The following MIER3 variants were observed in gnomAD, a reference collection of about 807,000 sequenced individuals.
MIER3 encodes mesoderm induction early response protein 3.
Under a neutral mutation model 63.2 loss-of-function variants are expected in MIER3, and 9 were observed. The ratio of observed to expected loss-of-function variants is 0.14; its 90% CI spans 0.09 to 0.25. MIER3 has a LOEUF of 0.25. MIER3 is among the 10% of genes least tolerant of loss of function. MIER3 has a pLI of 1.00. For synonymous variants in MIER3, 205 were observed against 224.9 expected, an observed-to-expected ratio of 0.91 and a Z score of 0.79; for missense variants, 512 against 666.2, an observed-to-expected ratio of 0.77 and a Z score of 2.55.
At chr5:56,937,512 C>A in intron 5 of MIER3, 66 bp downstream of exon 5, 1 of 1,417,664 alleles carries the variant, frequency 7.1e-7, no homozygotes, top group Middle Eastern at 1.8e-4. Flanking sequence ...TTACTGAACA[C>A]AATAAAATGT....
intron 7 of MIER3, 68 bp from the exon 8 acceptor site, chr5:56,933,466 C>CT: frequency 1.4e-6 from 2 of 1,380,202 alleles, no homozygotes; most frequent in Non-Finnish European, 1.9e-6. Flanking sequence ...ACAAACAATT[C>CT]TTTGTCTTCC....
At chr5:56,951,919 G>A (rs1043008213) in intron 1 of MIER3, among the ~76,000 whole-genome samples, 175 bp downstream of exon 1, 1 of 149,878 alleles carries the variant, frequency 6.7e-6, no homozygotes, top group Non-Finnish European at 1.5e-5. Flanking sequence ...GCCCGCTCCC[G>A]CCCCCCGGCC....
At position 56,923,002 on chromosome 5, in the gene MIER3, T is replaced by C; in HGVS notation, c.*126A>G. 1 of 696,434 alleles carries C rather than the reference T, an allele frequency of 1.4e-6. No homozygotes were observed. Among genetic ancestry groups the C allele is most frequent in the Non-Finnish European group, 2.4e-6 (1 of 415,958 alleles). 43.1% of individuals were successfully genotyped at this position (696,434 alleles called of 1,614,324 possible). On this transcript the variant is annotated 3_prime_UTR_variant, in exon 13 of 13. Transcript: ENST00000381199. The stretch of plus-strand genomic sequence containing the variant: ...CTTGATAAATCAAGATATAGTTCTA[T>C]ACATACTGACATCACTGATGTCATA...
intron 8 of MIER3, among the ~76,000 whole-genome samples, 196 bp downstream of exon 8, chr5:56,933,051 G>A (rs1554041511): frequency 1.3e-5 from 2 of 152,130 alleles, no homozygotes; most frequent in Non-Finnish European, 2.9e-5. Context: ...TTAAAGACCA[G>A]AAGAAAAGAT....
chr5:56,937,852 TTAA>T (rs1489136303), intron 4 of MIER3, among the ~76,000 whole-genome samples, 154 bp from the exon 5 acceptor site: 6 of 150,346 alleles, frequency 4.0e-5, no homozygotes, highest in African/African-American at 7.3e-5. Context: ...ACATAAATAT[TTAA>T]TATTATATAT....
At chr5:56,942,679 T>A (rs765169566) in intron 3 of MIER3, among the ~76,000 whole-genome samples, 49 of 151,886 alleles carry the variant, frequency 3.2e-4, no homozygotes, top group Non-Finnish European at 6.0e-4. Flanking sequence ...AAAGAAAAGA[T>A]CATAAAATAA....
At position 56,952,086 on chromosome 5, in the gene MIER3, C is replaced by A. The variant is rs1235512425; in HGVS notation, c.9+8G>T. The A allele has an allele frequency of 2.3e-6, 3 of 1,304,078 alleles. No homozygotes were observed. Among genetic ancestry groups the A allele is most frequent in the Non-Finnish European group, 3.0e-6 (3 of 1,008,522 alleles). 80.8% of individuals were successfully genotyped at this position (1,304,078 alleles called of 1,614,324 possible). ...GCCCGGCTGCTCCTGCCCGGTTTCC[C>A]TGCTCACCTCCGCCATATTGGTACC... On this transcript the variant is annotated splice_region_variant and intron_variant, in intron 1 of 12. Transcript: ENST00000381199.
intron 3 of MIER3, among the ~76,000 whole-genome samples, chr5:56,939,854 T>C (rs763356138): frequency 6.6e-6 from 1 of 152,182 alleles, no homozygotes; most frequent in Non-Finnish European, 1.5e-5. Context: ...ACAGCTGTGG[T>C]AGGAATAATA....
chr5:56,940,874 C>A lies in MIER3; in HGVS notation c.181-1857G>T, dbSNP rs546068463. 9.0e-6 allele frequency: 6 copies of A among 665,356 alleles called. No individual in the cohort carries two copies. The South Asian group carries it at 4.1e-4, about 45-fold the overall frequency. 41.2% of individuals were successfully genotyped at this position (665,356 alleles called of 1,614,324 possible). On this transcript the variant is annotated intron_variant, in intron 3 of 12. Coordinates refer to ENST00000381199, the MANE Select transcript of MIER3 (RefSeq NM_001297599.2). ...AGTCCATGCAGCCCATTCCCTTTGG[C>A]TCATATTGGTTCTAATACAAGAGGT...
chr5:56,945,647 T>G (rs1750801508), intron 3 of MIER3, among the ~76,000 whole-genome samples: 4 of 152,318 alleles, frequency 2.6e-5, no homozygotes, highest in South Asian at 4.1e-4. Flanking sequence ...AGTACTTACC[T>G]TATTTTCCAT....
At chr5:56,943,350 TAGA>T (rs72327207) in intron 3 of MIER3, among the ~76,000 whole-genome samples, 3,255 of 144,740 alleles carry the variant, frequency 0.022, 121 homozygotes, top group African/African-American at 0.079. Flanking sequence ...AAAAAAAAGG[TAGA>T]AGAATAAATT....
chr5:56,937,097 C>T (rs1750472602), intron 5 of MIER3, among the ~76,000 whole-genome samples: 2 of 151,896 alleles, frequency 1.3e-5, no homozygotes, highest in African/African-American at 4.8e-5. Context: ...ATTATTGAGA[C>T]AGAATCTCTC....
At chr5:56,940,540 T>A (rs76416112) in intron 3 of MIER3, among the ~76,000 whole-genome samples, 2,203 of 152,380 alleles carry the variant, frequency 0.014, 19 homozygotes, top group Non-Finnish European at 0.024. Context: ...AACAGATTTA[T>A]GCTCAATGAA....
chr5:56,928,689 C>T lies in MIER3; in HGVS notation c.924+78G>A, dbSNP rs1319514229. 15 of 1,006,110 alleles carry T rather than the reference C, an allele frequency of 1.5e-5. No homozygotes were observed. In the South Asian group the frequency reaches 1.8e-4, roughly 12 times the overall value. The allele number at this position is 1,006,110 out of a possible 1,614,324, so 62.3% of individuals were successfully genotyped here. A position where few individuals can be genotyped will look rare whatever the true frequency, so the allele number is the denominator to read the frequency against. On this transcript the variant is annotated intron_variant, in intron 10 of 12. Transcript: ENST00000381199. ...AACATTAGTAAGTTGTTCTTTTTTC[C>T]TACTTAAGTGACTTATAAATTAGTT...
intron 2 of MIER3, 25 bp from the exon 3 acceptor site, chr5:56,947,096 T>G: frequency 6.3e-7 from 1 of 1,589,196 alleles, no homozygotes; most frequent in Non-Finnish European, 8.5e-7. Context: ...ACTGAATCAC[T>G]TTACACATTT....
At chr5:56,941,236 T>C (rs760680018) in intron 3 of MIER3, 61 of 752,698 alleles carry the variant, frequency 8.1e-5, no homozygotes, top group Non-Finnish European at 9.4e-5. Flanking sequence ...CAATTGTGAC[T>C]ATAGACAAGG....
intron 10 of MIER3, among the ~76,000 whole-genome samples, chr5:56,927,327 A>T (rs1212613219): frequency 6.6e-6 from 1 of 152,088 alleles, no homozygotes; most frequent in Non-Finnish European, 1.5e-5. Flanking sequence ...ATATAATAAT[A>T]ACTATAGGAG....
chr5:56,935,637 A>G, intron 6 of MIER3, 29 bp downstream of exon 6: 4 of 1,589,550 alleles, frequency 2.5e-6, no homozygotes, highest in Non-Finnish European at 3.4e-6. Flanking sequence ...TTAAAAGCCA[A>G]TTTAGTCCAC....
At chr5:56,935,826 C>T (rs1286456583) in intron 5 of MIER3, 75 bp from the exon 6 acceptor site, 18 of 1,114,016 alleles carry the variant, frequency 1.6e-5, no homozygotes, top group Non-Finnish European at 2.3e-5. Context: ...TTGTATTTTA[C>T]AAAATGTTGT....
Sources: gnomAD v4.1 joint callset for allele counts (sites outside exome capture counted in the v4.1 genomes callset) on GRCh38, gnomAD v4.1.1 for gene constraint, MANE v1.5 for transcripts, NCBI Gene and HGNC (gene_info 2026-07-23, HGNC 2026-07-21) for gene names.